The following CAMKMT variants were observed in gnomAD, a reference collection of about 807,000 sequenced individuals.
CAMKMT encodes CaM KMT.
Under a neutral mutation model 48.0 loss-of-function variants are expected in CAMKMT, and 53 were observed. The ratio of observed to expected loss-of-function variants is 1.10; its 90% CI spans 0.89 to 1.39. The LOEUF (loss-of-function observed/expected upper bound fraction) is 1.39, where lower values mean the gene tolerates loss of function less well. Among genes scored for constraint, CAMKMT ranks in the 40% most tolerant of loss-of-function variants. The pLI, the probability that CAMKMT is intolerant of heterozygous loss-of-function variation, is 0.00. For synonymous variants in CAMKMT, 165 were observed against 152.3 expected, an observed-to-expected ratio of 1.08 and a Z score of -0.61; for missense variants, 428 against 402.7, an observed-to-expected ratio of 1.06 and a Z score of -0.54.
At chr2:44,735,773 C>G (rs143301025) in intron 7 of CAMKMT, among the ~76,000 whole-genome samples, 17 of 151,856 alleles carry the variant, frequency 1.1e-4, no homozygotes, top group African/African-American at 3.6e-4. Flanking sequence ...ATTAGCCAGG[C>G]GTGGTCGTTG....
intron 3 of CAMKMT, among the ~76,000 whole-genome samples, chr2:44,514,017 A>G (rs932690038): frequency 2.6e-5 from 4 of 151,300 alleles, no homozygotes; most frequent in African/African-American, 9.7e-5. Flanking sequence ...TGGGAGAATC[A>G]CCTGGGTTCG....
chr2:44,534,719 C>T (rs1371035698), intron 3 of CAMKMT, among the ~76,000 whole-genome samples: 1 of 152,076 alleles, frequency 6.6e-6, no homozygotes, highest in Non-Finnish European at 1.5e-5. Context: ...CCTCAGGATA[C>T]AGCAAAAGCA....
chr2:44,513,466 T>C (rs1167916309), intron 3 of CAMKMT, among the ~76,000 whole-genome samples: 1 of 152,246 alleles, frequency 6.6e-6, no homozygotes, highest in South Asian at 2.1e-4. Context: ...ACCTTATCTC[T>C]ATTCCTACTT....
intron 3 of CAMKMT, chr2:44,456,466 A>C (rs1191228252): frequency 7.2e-7 from 1 of 1,390,978 alleles, no homozygotes; most frequent in Non-Finnish European, 9.7e-7. Flanking sequence ...TTATATAAAT[A>C]TGTACATTCT....
chr2:44,747,630 A>T (rs1204747957), intron 8 of CAMKMT, among the ~76,000 whole-genome samples: 1 of 152,216 alleles, frequency 6.6e-6, no homozygotes, highest in African/African-American at 2.4e-5. Flanking sequence ...AGCACATTTC[A>T]CATTGAAAAT....
intron 3 of CAMKMT, among the ~76,000 whole-genome samples, chr2:44,516,139 C>T (rs1185079786): frequency 1.3e-5 from 2 of 152,132 alleles, no homozygotes; most frequent in Non-Finnish European, 2.9e-5. Flanking sequence ...ATATGAAACA[C>T]CAAATGTTCC....
intron 3 of CAMKMT, among the ~76,000 whole-genome samples, chr2:44,599,702 A>C (rs1176083925): frequency 6.6e-6 from 1 of 152,040 alleles, no homozygotes; most frequent in Admixed American, 6.6e-5. Flanking sequence ...TAGATTCCAC[A>C]AACATTTTTA....
At chr2:44,471,033 C>T (rs1668388334) in intron 3 of CAMKMT, among the ~76,000 whole-genome samples, 1 of 135,688 alleles carries the variant, frequency 7.4e-6, no homozygotes, top group South Asian at 2.5e-4. Context: ...TTCGCTCTCT[C>T]ACCCAGGCTG....
rs548194975 is a variant in CAMKMT, at chr2:44,425,146, A to G, written c.376+34841A>G. 2.0e-4 allele frequency among the ~76,000 whole-genome samples: 30 copies of G among 152,350 alleles called. No individual in the cohort carries two copies. The South Asian group carries it at 6.2e-3, about 32-fold the overall frequency. On this transcript the variant is annotated intron_variant, in intron 3 of 10. Coordinates refer to ENST00000378494, the MANE Select transcript of CAMKMT (RefSeq NM_024766.5). ...ACTCCTTTAGAGATTCTGAATCAGA[A>G]TAATAAAATAATTAAAAATAAACAT...
chr2:44,722,260 G>A (rs1678511344), intron 7 of CAMKMT, among the ~76,000 whole-genome samples: 1 of 148,562 alleles, frequency 6.7e-6, no homozygotes, highest in Admixed American at 6.7e-5. Context: ...ATTTCTCTTG[G>A]GTTTATATGG....
intron 3 of CAMKMT, among the ~76,000 whole-genome samples, chr2:44,677,977 G>T (rs1675809185): frequency 6.6e-6 from 1 of 151,794 alleles, no homozygotes; most frequent in Non-Finnish European, 1.5e-5. Flanking sequence ...AAAGAAGAGA[G>T]AACTGACAAA....
intron 3 of CAMKMT, among the ~76,000 whole-genome samples, chr2:44,432,618 T>A (rs1170901955): frequency 2.0e-5 from 3 of 152,194 alleles, no homozygotes; most frequent in Non-Finnish European, 4.4e-5. Context: ...CAGATGATGA[T>A]GAATTGATGC....
At chr2:44,567,016 G>C (rs1222733985) in intron 3 of CAMKMT, among the ~76,000 whole-genome samples, 1 of 152,100 alleles carries the variant, frequency 6.6e-6, no homozygotes, top group Non-Finnish European at 1.5e-5. Flanking sequence ...AGAAGCTTGG[G>C]GGAAAAGAAT....
chr2:44,545,501 A>C (rs917308657), intron 3 of CAMKMT, among the ~76,000 whole-genome samples: 3 of 152,132 alleles, frequency 2.0e-5, no homozygotes, highest in Non-Finnish European at 2.9e-5. Context: ...TCCTCTGTAT[A>C]AAACCTTTCT....
chr2:44,385,058 G>A (rs551232133), intron 2 of CAMKMT, among the ~76,000 whole-genome samples: 1 of 152,210 alleles, frequency 6.6e-6, no homozygotes, highest in Admixed American at 6.5e-5. Context: ...TGAATTTGTA[G>A]ATTGCTTTTG....
chr2:44,507,870 G>T (rs1670340436), intron 3 of CAMKMT, among the ~76,000 whole-genome samples: 1 of 152,138 alleles, frequency 6.6e-6, no homozygotes, highest in South Asian at 2.1e-4. Flanking sequence ...TTAATGATCT[G>T]CATTCTGATG....
chr2:44,634,799 C>CAAAAAA (rs1381130749), intron 3 of CAMKMT, among the ~76,000 whole-genome samples: 1 of 23,916 alleles, frequency 4.2e-5, no homozygotes. Context: ...TGAGGGCTAG[C>CAAAAAA]CAAAAAAAAA....
At chr2:44,649,028 C>T (rs1287486181) in intron 3 of CAMKMT, among the ~76,000 whole-genome samples, 3 of 152,140 alleles carry the variant, frequency 2.0e-5, no homozygotes, top group Non-Finnish European at 4.4e-5. Flanking sequence ...ACACTTCTAG[C>T]GTGATGCCTA....
chr2:44,650,943 C>T (rs141598130), intron 3 of CAMKMT, among the ~76,000 whole-genome samples: 2 of 151,938 alleles, frequency 1.3e-5, no homozygotes, highest in South Asian at 2.1e-4. Context: ...ACTATTAAGA[C>T]CCCAATAGCT....
Sources: gnomAD v4.1 joint callset for allele counts (sites outside exome capture counted in the v4.1 genomes callset) on GRCh38, gnomAD v4.1.1 for gene constraint, MANE v1.5 for transcripts, NCBI Gene and HGNC (gene_info 2026-07-23, HGNC 2026-07-21) for gene names.